Variants in FMN2 observed in about 807,000 individuals in gnomAD.
The protein encoded by FMN2 is formin-2.
FMN2 carries 51 observed loss-of-function variants against 142.3 expected under a neutral mutation model. The ratio of observed to expected loss-of-function variants is 0.36; its 90% CI spans 0.29 to 0.45. FMN2 has a LOEUF of 0.45. Among genes scored for constraint, FMN2 ranks in the 20% least tolerant of loss-of-function variants. FMN2 has a pLI of 1.00. For synonymous variants in FMN2, 882 were observed against 869.8 expected, an observed-to-expected ratio of 1.01 and a Z score of -0.25; for missense variants, 1,936 against 2,122.8, an observed-to-expected ratio of 0.91 and a Z score of 1.73.
intron 4 of FMN2, among the ~76,000 whole-genome samples, chr1:240,203,095 C>G (rs1666189847): frequency 1.3e-5 from 2 of 152,136 alleles, no homozygotes; most frequent in South Asian, 4.2e-4. Flanking sequence ...GTCAGAAATA[C>G]TAATTGTACT....
At chr1:240,262,984 C>T (rs932380442) in intron 7 of FMN2, among the ~76,000 whole-genome samples, 5 of 152,032 alleles carry the variant, frequency 3.3e-5, no homozygotes, top group Non-Finnish European at 7.4e-5. Flanking sequence ...GTCTCAAACT[C>T]CTGACCTCAA....
At chr1:240,447,034 AAGAGATTGCCTCCACCT>A (rs1253105590) in intron 16 of FMN2, among the ~76,000 whole-genome samples, 1 of 152,308 alleles carries the variant, frequency 6.6e-6, no homozygotes, top group East Asian at 1.9e-4. Flanking sequence ...GAGATGAGGG[AAGAGATTGCCTCCACCT>A]AGAGGTATCG....
At chr1:240,415,554 C>T (rs955312124) in intron 15 of FMN2, among the ~76,000 whole-genome samples, 2 of 151,864 alleles carry the variant, frequency 1.3e-5, no homozygotes, top group African/African-American at 2.4e-5. Context: ...ATTGAAGTCT[C>T]CACCTGATGT....
At chr1:240,453,499 G>A (rs1676127559) in intron 16 of FMN2, among the ~76,000 whole-genome samples, 1 of 151,888 alleles carries the variant, frequency 6.6e-6, no homozygotes, top group African/African-American at 2.4e-5. Flanking sequence ...TTCATCACAG[G>A]TGCTGACTAT....
At chr1:240,301,544 A>G (rs1311084302) in intron 8 of FMN2, among the ~76,000 whole-genome samples, 2 of 151,892 alleles carry the variant, frequency 1.3e-5, no homozygotes, top group African/African-American at 2.4e-5. Context: ...TTGAAAACAC[A>G]TCTTTTCAGT....
chr1:240,468,216 G>A lies in FMN2; in HGVS notation c.5061-4156G>A, dbSNP rs1025835524. On this transcript the variant is annotated intron_variant, in intron 16 of 17. Transcript: ENST00000319653. Reference sequence around the variant, plus strand: ...CTAAAATATATATATATGTGTGTGTGTGTGTGTGTGTGTGTGTATTCACAC... The same window carrying A: ...CTAAAATATATATATATGTGTGTGTATGTGTGTGTGTGTGTGTATTCACAC... Among the ~76,000 whole-genome samples the A allele has an allele frequency of 2.9e-5, 4 of 138,188 alleles. 1 individual carries two copies. Among genetic ancestry groups the A allele is most frequent in the African/African-American group, 5.8e-5 (2 of 34,390 alleles). The allele number at this position is 138,188 out of a possible 152,430, so 90.7% of individuals were successfully genotyped here. A position where few individuals can be genotyped will look rare whatever the true frequency, so the allele number is the denominator to read the frequency against.
chr1:240,222,014 A>ATTTTTTTTTTTTTT (rs71170722), intron 6 of FMN2, among the ~76,000 whole-genome samples: 1 of 129,744 alleles, frequency 7.7e-6, no homozygotes, highest in African/African-American at 2.9e-5. Flanking sequence ...CACCCAGCTA[A>ATTTTTTTTTTTTTT]TTTTTTTTTT....
Position 240,207,819 on chromosome 1 carries a change from C to A in FMN2, c.3007C>A (p.Leu1003Ile). 1.8e-6 allele frequency: 1 copy of A among 568,944 alleles called. No individual in the cohort carries two copies. Among genetic ancestry groups the A allele is most frequent in the Non-Finnish European group, 2.9e-6 (1 of 349,802 alleles). 35.2% of individuals were successfully genotyped at this position (568,944 alleles called of 1,614,324 possible). A position where few individuals can be genotyped will look rare whatever the true frequency, so the allele number is the denominator to read the frequency against. Residue 1003 changes from leucine to isoleucine, a missense_variant, in exon 5 of 18, where the codon CTT (leucine) becomes ATT (isoleucine). Around this residue, in one of 8 missense-constraint regions of FMN2, gnomAD observed 63 missense variants for 86.3 expected, o/e 0.73. Coordinates refer to ENST00000319653, the MANE Select transcript of FMN2 (RefSeq NM_020066.5). ...PGAGIPPPPP[L>I]PGAGIPPPPP... ...AGCGGGCATACCCCCTCCGCCCCCA[C>A]TTCCCGGAGCGGGCATACCCCCTCC...
intron 3 of FMN2, among the ~76,000 whole-genome samples, chr1:240,182,746 C>T (rs1033300720): frequency 6.6e-6 from 1 of 151,874 alleles, no homozygotes; most frequent in Non-Finnish European, 1.5e-5. Context: ...GAAATTTAGC[C>T]CTCAGGTGCA....
intron 6 of FMN2, among the ~76,000 whole-genome samples, chr1:240,255,501 A>G (rs1668424032): frequency 6.6e-6 from 1 of 152,210 alleles, no homozygotes; most frequent in Non-Finnish European, 1.5e-5. Context: ...GATAAAGTAT[A>G]GAACTAAATG....
At position 240,329,428 on chromosome 1, in the gene FMN2, C is replaced by T. The variant is rs1267006764; in HGVS notation, c.4397C>T (p.Ser1466Leu). ...FQSTFSESIC[S>L]IRRKLELLQK... ...TCCACATTTTCAGAAAGCATTTGCT[C>T]AATTCGTCGCAAACTGGAATTACTA... The change falls in exon 10 of 18, where the codon TCA becomes TTA. Residue 1466 changes from serine to leucine, a missense_variant. Ser to Leu is a moderately radical substitution (Grantham distance 145). Around this residue, in one of 8 missense-constraint regions of FMN2, gnomAD observed 322 missense variants for 401.6 expected, o/e 0.80. Coordinates refer to ENST00000319653, the MANE Select transcript of FMN2 (RefSeq NM_020066.5). 6.2e-7 allele frequency: 1 copy of T among 1,614,062 alleles called. No individual in the cohort carries two copies. Among genetic ancestry groups the T allele is most frequent in the African/African-American group, 1.3e-5 (1 of 75,048 alleles).
chr1:240,432,214 CT>C (rs1255885114), intron 15 of FMN2, among the ~76,000 whole-genome samples: 4 of 151,778 alleles, frequency 2.6e-5, no homozygotes, highest in African/African-American at 9.7e-5. Context: ...TTTTCTGTTT[CT>C]TTTGTCAGTT....
intron 15 of FMN2, among the ~76,000 whole-genome samples, chr1:240,425,234 A>AGAGAGAGAGC (rs950851004): frequency 1.3e-5 from 2 of 150,028 alleles, no homozygotes; most frequent in African/African-American, 2.5e-5. Context: ...AGAGAGAGAG[A>AGAGAGAGAGC]GCCGTGAGAC....
chr1:240,392,514 A>G lies in FMN2; in HGVS notation c.4862A>G (p.Lys1621Arg). ...ENMEQFIIQA[K>R]IDQEAEENSL... ...TTTTATTTTCTTGCACTTTCAGCCAAAATTGACCAAGAGGCAGAGGAAAAT... is the reference window on the plus strand; with the variant it reads ...TTTTATTTTCTTGCACTTTCAGCCAGAATTGACCAAGAGGCAGAGGAAAAT... Residue 1621 changes from lysine to arginine, a missense_variant, in exon 15 of 18, where the codon AAA (lysine) becomes AGA (arginine). By Grantham distance (26) the Lys-to-Arg change is conservative. This residue lies in a region of FMN2 where 322 missense variants were observed against 401.6 expected (regional missense o/e 0.80). Coordinates refer to ENST00000319653, the MANE Select transcript of FMN2 (RefSeq NM_020066.5). 1 of 1,610,210 alleles carries G rather than the reference A, an allele frequency of 6.2e-7. No homozygotes were observed. The highest frequency in any genetic ancestry group is 8.5e-7 in the Non-Finnish European group (1 of 1,178,156).
chr1:240,193,893 C>A (rs894679385), intron 4 of FMN2, among the ~76,000 whole-genome samples: 1 of 152,206 alleles, frequency 6.6e-6, no homozygotes, highest in Non-Finnish European at 1.5e-5. Flanking sequence ...CTGCTCATAG[C>A]ATTTGAGAAA....
chr1:240,426,685 T>A (rs1572295441), intron 15 of FMN2, among the ~76,000 whole-genome samples: 1 of 152,164 alleles, frequency 6.6e-6, no homozygotes, highest in Non-Finnish European at 1.5e-5. Flanking sequence ...CCAACAGATA[T>A]AATTTCATCC....
Position 240,357,696 on chromosome 1 carries a change from C to T in FMN2, c.4858+1788C>T, listed in dbSNP as rs181189961. ...GATCTCAGCTGGCTGCAACCTCCAC[C>T]TCCCAGGTTCAAGTGATTCTCCTGC... On this transcript the variant is annotated intron_variant, in intron 14 of 17. Transcript: ENST00000319653. Among the ~76,000 whole-genome samples, 1,401 of 151,808 alleles carry T rather than the reference C, an allele frequency of 9.2e-3. 7 individuals carry two copies. The highest frequency in any genetic ancestry group is 0.014 in the Non-Finnish European group (928 of 67,984).
At chr1:240,472,898 T>C (rs1261923318) in intron 17 of FMN2, among the ~76,000 whole-genome samples, 1 of 149,666 alleles carries the variant, frequency 6.7e-6, no homozygotes, top group East Asian at 2.0e-4. Context: ...TGAGCCAAGA[T>C]TGCAACACTG....
chr1:240,184,998 ATAC>A (rs1187649773), intron 3 of FMN2, among the ~76,000 whole-genome samples: 21 of 142,028 alleles, frequency 1.5e-4, no homozygotes, highest in African/African-American at 5.3e-4. Flanking sequence ...TCTCCCTCCT[ATAC>A]CTTCCCCTTC....
Sources: allele counts gnomAD v4.1 joint callset (sites outside exome capture counted in the v4.1 genomes callset), GRCh38; gene constraint gnomAD v4.1.1; regional missense constraint gnomAD v4.1.1; transcripts MANE v1.5; gene names NCBI Gene and HGNC (gene_info 2026-07-23, HGNC 2026-07-21).